SGCZ: variants seen among roughly 807,000 people sequenced by gnomAD.
The protein encoded by SGCZ is sarcoglycan zeta.
In SGCZ, 40 loss-of-function variants were observed where a neutral mutation model predicts 41.3. That is an observed-to-expected ratio of 0.97 (90% confidence interval 0.75 to 1.26). The LOEUF (loss-of-function observed/expected upper bound fraction) is 1.26, where lower values mean the gene tolerates loss of function less well. SGCZ is among the 50% of genes most tolerant of loss of function. The probability of loss-of-function intolerance (pLI) is 0.00; values close to 1 mark genes in which losing one functional copy is unlikely to be tolerated. For synonymous variants in SGCZ, 206 were observed against 137.5 expected (o/e 1.50, Z -3.49); for missense variants, 552 against 369.8 (o/e 1.49, Z -4.04).
intron 1 of SGCZ, among the ~76,000 whole-genome samples, chr8:14,750,829 G>C (rs1412694594): frequency 6.6e-6 from 1 of 152,102 alleles, no homozygotes; most frequent in South Asian, 2.1e-4. Context: ...GCATATTACT[G>C]TGCCTATTCA....
chr8:14,226,422 C>T (rs977100922), intron 4 of SGCZ, among the ~76,000 whole-genome samples: 9 of 152,178 alleles, frequency 5.9e-5, no homozygotes, highest in East Asian at 3.9e-4. Context: ...CTGTGAACTA[C>T]GCATGAATCT....
chr8:14,770,917 G>T (rs1207835415), intron 1 of SGCZ, among the ~76,000 whole-genome samples: 1 of 152,112 alleles, frequency 6.6e-6, no homozygotes, highest in Non-Finnish European at 1.5e-5. Context: ...TCAATTGAAT[G>T]AAGCCTTGAA....
chr8:14,662,511 T>C (rs896140216), intron 1 of SGCZ, among the ~76,000 whole-genome samples: 3 of 152,176 alleles, frequency 2.0e-5, no homozygotes, highest in Admixed American at 2.0e-4. Context: ...ATGTAAAGAA[T>C]ATGAGCTTAG....
intron 1 of SGCZ, among the ~76,000 whole-genome samples, chr8:15,054,860 G>A (rs1804646811): frequency 6.6e-6 from 1 of 151,834 alleles, no homozygotes; most frequent in Non-Finnish European, 1.5e-5. Flanking sequence ...TACTTGGGAG[G>A]CTGAGGCAGG....
intron 2 of SGCZ, among the ~76,000 whole-genome samples, chr8:14,388,273 T>C (rs1285209287): frequency 6.6e-6 from 1 of 151,980 alleles, no homozygotes; most frequent in African/African-American, 2.4e-5. Flanking sequence ...AATATCACAG[T>C]TGCAGCCATG....
intron 1 of SGCZ, among the ~76,000 whole-genome samples, chr8:14,626,656 A>G (rs967119546): frequency 6.6e-6 from 1 of 152,180 alleles, no homozygotes; most frequent in African/African-American, 2.4e-5. Context: ...ATGAAGACAC[A>G]GGGAAAATAT....
chr8:14,852,684 A>G (rs1803376443), intron 1 of SGCZ, among the ~76,000 whole-genome samples: 1 of 152,070 alleles, frequency 6.6e-6, no homozygotes, highest in South Asian at 2.1e-4. Context: ...TTTTGTTCAT[A>G]TTTAGTTTTT....
At chr8:14,872,285 T>G (rs957892783) in intron 1 of SGCZ, among the ~76,000 whole-genome samples, 4 of 152,138 alleles carry the variant, frequency 2.6e-5, no homozygotes, top group African/African-American at 9.7e-5. Flanking sequence ...ACCTGCACAT[T>G]CTGCACATAT....
At chr8:14,217,156 C>T (rs905429226) in intron 4 of SGCZ, among the ~76,000 whole-genome samples, 2 of 151,878 alleles carry the variant, frequency 1.3e-5, no homozygotes, top group Non-Finnish European at 2.9e-5. Context: ...AGTTAGCCGG[C>T]ATGGTGGCAG....
At chr8:14,575,183 C>G (rs563883160) in intron 1 of SGCZ, among the ~76,000 whole-genome samples, 2 of 152,192 alleles carry the variant, frequency 1.3e-5, no homozygotes, top group South Asian at 4.2e-4. Flanking sequence ...TCAGTAGTTA[C>G]CTTTTAAGAT....
intron 6 of SGCZ, among the ~76,000 whole-genome samples, chr8:14,103,691 C>A (rs371897362): frequency 1.3e-5 from 2 of 151,842 alleles, no homozygotes; most frequent in African/African-American, 2.4e-5. Context: ...AAATTTTAAT[C>A]CCTATGGGCC....
chr8:15,132,746 T>G (rs1270443143), intron 1 of SGCZ, among the ~76,000 whole-genome samples: 3 of 152,142 alleles, frequency 2.0e-5, no homozygotes, highest in Non-Finnish European at 4.4e-5. Flanking sequence ...TGGCATGTGT[T>G]TACACCATGG....
intron 1 of SGCZ, among the ~76,000 whole-genome samples, chr8:15,081,734 A>G (rs979112968): frequency 6.6e-6 from 1 of 152,158 alleles, no homozygotes; most frequent in African/African-American, 2.4e-5. Context: ...TAACAACACC[A>G]ATTTCCTTAA....
At chr8:14,641,191 G>C (rs923734396) in intron 1 of SGCZ, among the ~76,000 whole-genome samples, 1 of 151,524 alleles carries the variant, frequency 6.6e-6, no homozygotes, top group Non-Finnish European at 1.5e-5. Flanking sequence ...GTAACAACTA[G>C]TCTGTCACTA....
chr8:14,465,454 G>C (rs1801022160), intron 2 of SGCZ, among the ~76,000 whole-genome samples: 1 of 151,576 alleles, frequency 6.6e-6, no homozygotes, highest in Admixed American at 6.6e-5. Context: ...TAAAGAGGGA[G>C]TCTCCTGTAC....
intron 3 of SGCZ, among the ~76,000 whole-genome samples, chr8:14,312,666 A>G (rs1444235890): frequency 6.6e-6 from 1 of 151,882 alleles, no homozygotes; most frequent in East Asian, 1.9e-4. Context: ...GAAGAGGAGG[A>G]GGAAGAGGAG....
At chr8:14,372,710 G>A (rs113235938) in intron 2 of SGCZ, among the ~76,000 whole-genome samples, 3,024 of 152,198 alleles carry the variant, frequency 0.02, 81 homozygotes, top group African/African-American at 0.056. Context: ...CAGTAAGGCA[G>A]ATAAGAAATG....
chr8:15,195,310 G>C (rs1318024830), intron 1 of SGCZ, among the ~76,000 whole-genome samples: 1 of 152,128 alleles, frequency 6.6e-6, no homozygotes, highest in Non-Finnish European at 1.5e-5. Context: ...TGCAGGACCT[G>C]TGTACGGGAT....
intron 1 of SGCZ, among the ~76,000 whole-genome samples, chr8:15,003,725 CA>C (rs1802506229): frequency 6.6e-6 from 1 of 152,032 alleles, no homozygotes; most frequent in Admixed American, 6.5e-5. Context: ...GGATTTATGA[CA>C]AAAACTCCAA....
Sources: allele counts gnomAD v4.1 joint callset (sites outside exome capture counted in the v4.1 genomes callset), GRCh38; gene constraint gnomAD v4.1.1; transcripts MANE v1.5; gene names NCBI Gene and HGNC (gene_info 2026-07-23, HGNC 2026-07-21).